GRM7: variants seen among roughly 807,000 people sequenced by gnomAD.
The protein encoded by GRM7 is glutamate metabotropic receptor 7.
Under a neutral mutation model 84.5 loss-of-function variants are expected in GRM7, and 35 were observed. That is an observed-to-expected ratio of 0.41 (90% CI 0.32 to 0.55). GRM7 has a LOEUF of 0.55. Among genes scored for constraint, GRM7 ranks in the 20% least tolerant of loss-of-function variants. GRM7 has a pLI of 0.19. For missense variants in GRM7, 1,003 were observed against 1,194.6 expected (o/e 0.84, Z 2.36); for synonymous variants, 487 against 455.1 (o/e 1.07, Z -0.89).
intron 1 of GRM7, among the ~76,000 whole-genome samples, chr3:7,140,531 CTG>C (rs1296523445): frequency 6.6e-6 from 1 of 151,906 alleles, no homozygotes; most frequent in African/African-American, 2.4e-5. Flanking sequence ...CTTGATCTCT[CTG>C]TGTCATAGGT....
chr3:7,006,346 A>T (rs1473754357), intron 1 of GRM7, among the ~76,000 whole-genome samples: 1 of 152,170 alleles, frequency 6.6e-6, no homozygotes, highest in Non-Finnish European at 1.5e-5. Flanking sequence ...TGTGTGAAAA[A>T]CTGTCTTTAT....
At chr3:7,197,185 G>A (rs1237847092) in intron 2 of GRM7, among the ~76,000 whole-genome samples, 2 of 152,194 alleles carry the variant, frequency 1.3e-5, no homozygotes, top group East Asian at 3.9e-4. Context: ...CCAACAAATA[G>A]CTGGAAACCA....
intron 7 of GRM7, among the ~76,000 whole-genome samples, chr3:7,480,577 A>G (rs750225593): frequency 3.9e-5 from 6 of 152,234 alleles, no homozygotes; most frequent in South Asian, 2.1e-4. Context: ...GCAAAATGGT[A>G]TACAATATTT....
intron 7 of GRM7, among the ~76,000 whole-genome samples, chr3:7,534,916 G>A (rs1023085608): frequency 3.9e-5 from 6 of 152,112 alleles, no homozygotes; most frequent in Non-Finnish European, 7.4e-5. Flanking sequence ...CTGGGGGGTG[G>A]TTGATTCCAC....
At chr3:7,643,253 T>A (rs1698443342) in intron 8 of GRM7, among the ~76,000 whole-genome samples, 1 of 149,574 alleles carries the variant, frequency 6.7e-6, no homozygotes, top group Non-Finnish European at 1.5e-5. Flanking sequence ...ATCTTAAGCA[T>A]ATTTCTTACG....
chr3:7,041,077 C>T (rs1696590829), intron 1 of GRM7, among the ~76,000 whole-genome samples: 1 of 122,988 alleles, frequency 8.1e-6, no homozygotes, highest in Non-Finnish European at 1.6e-5. Flanking sequence ...GAGACCCTGT[C>T]TCAAAAAAAA....
At chr3:7,660,049 A>G (rs890225583) in intron 8 of GRM7, among the ~76,000 whole-genome samples, 1 of 152,244 alleles carries the variant, frequency 6.6e-6, no homozygotes, top group Non-Finnish European at 1.5e-5. Flanking sequence ...CCAAATAGGT[A>G]GATAAAATAT....
intron 5 of GRM7, among the ~76,000 whole-genome samples, chr3:7,423,335 T>C (rs1436589352): frequency 1.3e-5 from 2 of 152,196 alleles, no homozygotes; most frequent in African/African-American, 4.8e-5. Flanking sequence ...TCTCATTAAC[T>C]CCAACAGGCA....
intron 7 of GRM7, among the ~76,000 whole-genome samples, chr3:7,463,927 G>C (rs1004411640): frequency 6.6e-6 from 1 of 152,144 alleles, no homozygotes; most frequent in African/African-American, 2.4e-5. Context: ...AAATTACTTT[G>C]GCTGCTGGGA....
chr3:7,103,752 T>TTCTTTCTTTCTTTC (rs1553617349), intron 1 of GRM7, among the ~76,000 whole-genome samples: 1,380 of 19,414 alleles, frequency 0.071, 119 homozygotes, highest in African/African-American at 0.1. Flanking sequence ...CTCTCTCCCT[T>TTCTTTCTTTCTTTC]TCTTTCTTTC....
chr3:7,114,439 C>T (rs1304397622), intron 1 of GRM7, among the ~76,000 whole-genome samples: 2 of 152,120 alleles, frequency 1.3e-5, no homozygotes, highest in African/African-American at 2.4e-5. Flanking sequence ...CATCTGGTGA[C>T]CCCCTGATAA....
At chr3:7,371,021 A>C (rs1308036531) in intron 4 of GRM7, among the ~76,000 whole-genome samples, 1 of 152,176 alleles carries the variant, frequency 6.6e-6, no homozygotes. Context: ...ACAAGTGCAA[A>C]AGTTCCCAGT....
chr3:7,223,525 CA>C (rs5846499), intron 2 of GRM7, among the ~76,000 whole-genome samples: 136,909 of 151,932 alleles, frequency 0.9, 61,942 homozygotes, highest in East Asian at 1. Context: ...AGTTCTTTAT[CA>C]AAAAAAGCTC....
chr3:7,604,048 C>T (rs1042985592), intron 8 of GRM7, among the ~76,000 whole-genome samples: 1 of 151,096 alleles, frequency 6.6e-6, no homozygotes, highest in African/African-American at 2.4e-5. Flanking sequence ...TTTTTCATTA[C>T]TGTAAATTAG....
At chr3:6,904,171 A>T (rs577664972) in intron 1 of GRM7, among the ~76,000 whole-genome samples, 11 of 152,164 alleles carry the variant, frequency 7.2e-5, no homozygotes, top group Admixed American at 2.0e-4. Flanking sequence ...TTGTTTTTTT[A>T]AAAAAATCTA....
At chr3:6,910,999 C>T (rs527986865) in intron 1 of GRM7, among the ~76,000 whole-genome samples, 11 of 152,266 alleles carry the variant, frequency 7.2e-5, no homozygotes, top group Admixed American at 7.2e-4. Flanking sequence ...CAACCTACCA[C>T]TATTTTTTTC....
In GRM7 at chr3:7,259,953, G is replaced by GTTTT. The variant is rs1164961076; in HGVS notation, c.737-38722_737-38719dup. On this transcript the variant is annotated intron_variant, in intron 2 of 9. Transcript: ENST00000357716. ...TTTCTCTGCAACCTTACCAGCATCT[G>GTTTT]TTTTTTTTTTTTGACGTTTTAATAA... Among the ~76,000 whole-genome samples the GTTTT allele has an allele frequency of 4.6e-3, 410 of 89,660 alleles. 44 individuals carry two copies. Among genetic ancestry groups the GTTTT allele is most frequent in the African/African-American group, 0.023 (390 of 17,070 alleles). The allele number at this position is 89,660 out of a possible 152,430, so 58.8% of individuals were successfully genotyped here.
At chr3:7,325,545 G>C (rs915097913) in intron 4 of GRM7, among the ~76,000 whole-genome samples, 9 of 152,068 alleles carry the variant, frequency 5.9e-5, no homozygotes, top group Non-Finnish European at 1.2e-4. Flanking sequence ...TTTGGAGAAA[G>C]GGGCAGTCCT....
chr3:6,927,018 C>A (rs1697322085), intron 1 of GRM7, among the ~76,000 whole-genome samples: 1 of 152,156 alleles, frequency 6.6e-6, no homozygotes, highest in African/African-American at 2.4e-5. Flanking sequence ...CTTTCACTCG[C>A]ACTGTGTTAA....
Sources: allele counts gnomAD v4.1 joint callset (sites outside exome capture counted in the v4.1 genomes callset), GRCh38; gene constraint gnomAD v4.1.1; transcripts MANE v1.5; gene names NCBI Gene and HGNC (gene_info 2026-07-23, HGNC 2026-07-21).